The following CYP2C19 variants were observed in gnomAD, a reference collection of about 807,000 sequenced individuals.
The protein encoded by CYP2C19 is cytochrome P450 family 2 subfamily C member 19.
CYP2C19 carries 59 observed loss-of-function variants against 40.9 expected under a neutral mutation model. That is an observed-to-expected ratio of 1.44 (90% CI 1.17 to 1.79). The LOEUF is 1.79. Among genes scored for constraint, CYP2C19 ranks in the 40% most tolerant of loss-of-function variants. The pLI, the probability that CYP2C19 is intolerant of heterozygous loss-of-function variation, is 0.00. For missense variants in CYP2C19, 754 were observed against 596.9 expected (o/e 1.26, Z -2.74); for synonymous variants, 253 against 208.7 (o/e 1.21, Z -1.83).
chr10:94,851,471 TAAATAAATAAATAAATAAATAAG>T (rs1849653026), intron 8 of CYP2C19, among the ~76,000 whole-genome samples: 1 of 149,188 alleles, frequency 6.7e-6, no homozygotes, highest in African/African-American at 2.5e-5. Flanking sequence ...AATAAATAAA[TAAATAAATAAATAAATAAATAAG>T]AAATAAGAAA....
At chr10:94,842,239 G>A (rs1216507512) in intron 6 of CYP2C19, among the ~76,000 whole-genome samples, 2 of 151,434 alleles carry the variant, frequency 1.3e-5, no homozygotes, top group Non-Finnish European at 2.9e-5. Flanking sequence ...ATCATCAATT[G>A]TCATATTCTT....
At position 94,796,456 on chromosome 10, in the gene CYP2C19, T is replaced by G. The variant is rs930528019; in HGVS notation, c.819+14459T>G. On this transcript the variant is annotated intron_variant, in intron 5 of 8. Transcript: ENST00000371321. The stretch of plus-strand genomic sequence containing the variant: ...TGCCTCCAGCTTTGTTCTTTTGGCT[T>G]AGGATTGACTTGGCAATGTGGGCTC... 5.3e-5 allele frequency among the ~76,000 whole-genome samples: 8 copies of G among 152,296 alleles called. 1 individual carries two copies. The highest frequency in any genetic ancestry group is 6.5e-5 in the Admixed American group (1 of 15,308).
In CYP2C19 at chr10:94,849,998, C is replaced by A; in HGVS notation, c.1231C>A (p.His411Asn). ...CAACCCAGAGATGTTTGACCCTCGT[C>A]ACTTTCTGGATGAAGGTGGAAATTT... The part of the protein sequence containing the change: ...FPNPEMFDPR[H>N]FLDEGGNFKK... The change falls in exon 8 of 9, where the codon CAC becomes AAC. Residue 411 changes from histidine to asparagine, a missense_variant. By Grantham distance (68) the His-to-Asn change is moderately conservative (BLOSUM62 1). Transcript: ENST00000371321. 5.0e-6 allele frequency: 8 copies of A among 1,613,754 alleles called. No homozygotes were observed. Among genetic ancestry groups the A allele is most frequent in the Non-Finnish European group, 6.8e-6 (8 of 1,179,778 alleles).
At chr10:94,838,917 C>T (rs918055421) in intron 6 of CYP2C19, among the ~76,000 whole-genome samples, 4 of 152,136 alleles carry the variant, frequency 2.6e-5, no homozygotes, top group Admixed American at 6.5e-5. Flanking sequence ...CCAGGCGGTA[C>T]TGCAGAAAAA....
intron 1 of CYP2C19, 31 bp downstream of exon 1, chr10:94,762,904 G>A: frequency 6.3e-7 from 1 of 1,596,088 alleles, no homozygotes; most frequent in Non-Finnish European, 8.6e-7. Context: ...GCTTGCAAAA[G>A]GTAAGTAAAT....
At chr10:94,797,613 G>A (rs764785596) in intron 5 of CYP2C19, among the ~76,000 whole-genome samples, 8 of 151,890 alleles carry the variant, frequency 5.3e-5, no homozygotes, top group Admixed American at 1.3e-4. Context: ...GAATCCTTCT[G>A]GTCCTGAACT....
At chr10:94,788,235 A>G (rs556727098) in intron 5 of CYP2C19, among the ~76,000 whole-genome samples, 5 of 151,778 alleles carry the variant, frequency 3.3e-5, no homozygotes, top group Admixed American at 6.6e-5. Flanking sequence ...TTGTGTGCTG[A>G]AATTTCACTG....
chr10:94,801,819 C>T (rs1257739553), intron 5 of CYP2C19, among the ~76,000 whole-genome samples: 3 of 152,128 alleles, frequency 2.0e-5, no homozygotes, highest in East Asian at 3.9e-4. Context: ...CTTCTTGTTA[C>T]ATTGTGTCTG....
chr10:94,847,971 A>G (rs945720208), intron 7 of CYP2C19, among the ~76,000 whole-genome samples: 3 of 151,948 alleles, frequency 2.0e-5, no homozygotes, highest in African/African-American at 4.8e-5. Flanking sequence ...TAGATTCTGG[A>G]TATTAGCCCT....
At chr10:94,783,375 A>G (rs575538876) in intron 5 of CYP2C19, among the ~76,000 whole-genome samples, 64 of 152,166 alleles carry the variant, frequency 4.2e-4, no homozygotes, top group Admixed American at 2.6e-3. Flanking sequence ...AATGCTTTAC[A>G]TGGAGGTGTA....
chr10:94,779,566 C>CT (rs1554849213), intron 3 of CYP2C19, among the ~76,000 whole-genome samples: 2 of 142,424 alleles, frequency 1.4e-5, no homozygotes, highest in African/African-American at 5.1e-5. Context: ...CTTTTCTTTT[C>CT]TTTTTTTTTT....
At chr10:94,848,192 A>G (rs1849601226) in intron 7 of CYP2C19, among the ~76,000 whole-genome samples, 1 of 152,160 alleles carries the variant, frequency 6.6e-6, no homozygotes, top group African/African-American at 2.4e-5. Context: ...GTTTTCTTCT[A>G]GGATTTTTAT....
intron 5 of CYP2C19, among the ~76,000 whole-genome samples, chr10:94,794,619 A>T (rs564765794): frequency 1.2e-4 from 19 of 152,080 alleles, no homozygotes; most frequent in African/African-American, 3.9e-4. Flanking sequence ...GGTCCTTCAC[A>T]TCTCTTGTAT....
chr10:94,852,859 T>G lies in CYP2C19; in HGVS notation c.1418T>G (p.Val473Gly). ...DPKDLDTTPVVNGFASVPPFY... is the reference protein window; with the variant it reads ...DPKDLDTTPVGNGFASVPPFY... ...AAGGACCTTGACACAACTCCTGTTG[T>G]CAATGGATTTGCTTCTGTCCCGCCC... Residue 473 changes from valine to glycine, a missense_variant, in exon 9 of 9, where the codon GTC becomes GGC. By Grantham distance (109) the Val-to-Gly change is moderately radical. Transcript: ENST00000371321. 1 of 1,614,090 alleles carries G rather than the reference T, an allele frequency of 6.2e-7. No homozygotes were observed. Among genetic ancestry groups the G allele is most frequent in the Non-Finnish European group, 8.5e-7 (1 of 1,179,976 alleles).
chr10:94,834,954 G>A lies in CYP2C19; in HGVS notation c.962-7883G>A, dbSNP rs192162427. On this transcript the variant is annotated intron_variant, in intron 6 of 8. Transcript: ENST00000371321. Reference sequence around the variant, plus strand: ...GGGAGGTTGGCCGACGACTGCTCTAGCTGCTTCCTGCTGAATTGGGGTGTA... The same window carrying A: ...GGGAGGTTGGCCGACGACTGCTCTAACTGCTTCCTGCTGAATTGGGGTGTA... Among the ~76,000 whole-genome samples the A allele has an allele frequency of 3.1e-3, 473 of 152,248 alleles. 3 individuals carry two copies. The highest frequency in any genetic ancestry group is 0.011 in the African/African-American group (450 of 41,536).
chr10:94,812,896 G>C (rs529912675), intron 5 of CYP2C19, among the ~76,000 whole-genome samples: 16 of 151,820 alleles, frequency 1.1e-4, no homozygotes, highest in African/African-American at 3.9e-4. Flanking sequence ...GTCCAGTTTT[G>C]TCCCCTTGCT....
chr10:94,810,736 C>T (rs56061138), intron 5 of CYP2C19, among the ~76,000 whole-genome samples: 2 of 151,906 alleles, frequency 1.3e-5, no homozygotes, highest in African/African-American at 2.4e-5. Flanking sequence ...GGTGATATCC[C>T]CTTTATCATT....
At chr10:94,803,105 T>A (rs1358549060) in intron 5 of CYP2C19, among the ~76,000 whole-genome samples, 1 of 152,274 alleles carries the variant, frequency 6.6e-6, no homozygotes, top group East Asian at 1.9e-4. Flanking sequence ...GTTAGTGTGG[T>A]CTTTTGGTGG....
intron 7 of CYP2C19, among the ~76,000 whole-genome samples, chr10:94,846,513 C>G (rs1412256695): frequency 2.0e-5 from 3 of 152,120 alleles, no homozygotes; most frequent in Non-Finnish European, 2.9e-5. Context: ...TGGCATGACA[C>G]TTTAAGACAG....
Sources: gnomAD v4.1 joint callset for allele counts (sites outside exome capture counted in the v4.1 genomes callset) on GRCh38, gnomAD v4.1.1 for gene constraint, MANE v1.5 for transcripts, NCBI Gene and HGNC (gene_info 2026-07-23, HGNC 2026-07-21) for gene names.